INSL6: variants seen among roughly 807,000 people sequenced by gnomAD.
INSL6 encodes the protein insulin-like peptide INSL6.
INSL6 carries 16 observed loss-of-function variants against 9.4 expected under a neutral mutation model. That is an observed-to-expected ratio of 1.70 (90% confidence interval 1.15 to 2.59). The LOEUF (loss-of-function observed/expected upper bound fraction) is 2.59. Ranked by LOEUF, INSL6 falls within the 30% of genes most tolerant of loss-of-function variation. The probability of loss-of-function intolerance (pLI) is 0.00; values close to 1 mark genes in which losing one functional copy is unlikely to be tolerated. For missense variants in INSL6, 391 were observed against 257.3 expected, an observed-to-expected ratio of 1.52 and a Z score of -3.56; for synonymous variants, 154 against 96.9, an observed-to-expected ratio of 1.59 and a Z score of -3.46.
the INSL6 span, among the ~76,000 whole-genome samples, chr9:5,081,244 G>T: frequency 1.4e-5 from 2 of 139,530 alleles, no homozygotes; most frequent in East Asian, 4.0e-4. Flanking sequence ...CATTTAGTGA[G>T]TTGTAAATTA....
chr9:5,031,981 G>T, the INSL6 span, among the ~76,000 whole-genome samples: 1 of 152,260 alleles, frequency 6.6e-6, no homozygotes, highest in African/African-American at 2.4e-5. Flanking sequence ...CCCGGGAAGC[G>T]CAAAGGGTCA....
At chr9:5,020,560 T>A in the INSL6 span, among the ~76,000 whole-genome samples, 1 of 151,704 alleles carries the variant, frequency 6.6e-6, no homozygotes, top group South Asian at 2.1e-4. Context: ...TTGTAGGGAG[T>A]TGGCTAAGGA....
intron 1 of INSL6, among the ~76,000 whole-genome samples, chr9:5,177,684 A>C (rs1825342485): frequency 1.3e-5 from 2 of 152,154 alleles, no homozygotes; most frequent in African/African-American, 4.8e-5. Flanking sequence ...CAGCCACCCA[A>C]AGCAAAAGCT....
the INSL6 span, among the ~76,000 whole-genome samples, chr9:5,064,424 T>A: frequency 6.8e-6 from 1 of 147,736 alleles, no homozygotes; most frequent in Non-Finnish European, 1.5e-5. Context: ...CAGCTACTCA[T>A]GAGGGTGAGG....
chr9:5,181,902 G>A (rs959872427), intron 1 of INSL6, among the ~76,000 whole-genome samples: 3 of 152,150 alleles, frequency 2.0e-5, no homozygotes, highest in African/African-American at 7.2e-5. Flanking sequence ...CTATTACACT[G>A]GTAAAAGTTA....
chr9:5,129,795 T>A (rs1231241948), intron 3 of INSL6, among the ~76,000 whole-genome samples: 1 of 152,130 alleles, frequency 6.6e-6, no homozygotes, highest in Non-Finnish European at 1.5e-5. Flanking sequence ...ACTACATCAG[T>A]CAAATTCATG....
the INSL6 span, chr9:5,108,548 A>G: frequency 5.3e-5 from 8 of 152,034 alleles, no homozygotes; most frequent in Non-Finnish European, 8.8e-5. Flanking sequence ...AAATAACTCT[A>G]TTCGGACTTC....
the INSL6 span, chr9:5,114,911 C>G: frequency 1.1e-5 from 2 of 188,466 alleles, no homozygotes; most frequent in African/African-American, 4.8e-5. Context: ...AAGCCACCCC[C>G]AATAAACAGT....
At chr9:5,111,006 C>A in the INSL6 span, 2 of 724,918 alleles carry the variant, frequency 2.8e-6, no homozygotes, top group Non-Finnish European at 2.3e-6. Flanking sequence ...CCGTTGCCAA[C>A]GGGAAGGGCC....
chr9:5,064,899 C>T, the INSL6 span: 1 of 1,583,264 alleles, frequency 6.3e-7, no homozygotes, highest in Non-Finnish European at 8.6e-7. Flanking sequence ...GAACTTAGCT[C>T]ATTAAGGGAA....
chr9:5,174,647 A>G (rs1825257404), intron 1 of INSL6, among the ~76,000 whole-genome samples: 1 of 152,162 alleles, frequency 6.6e-6, no homozygotes, highest in African/African-American at 2.4e-5. Context: ...CTAGTCTTAC[A>G]GCTCAAAAAA....
chr9:5,117,983 T>G, the INSL6 span, among the ~76,000 whole-genome samples: 1 of 152,250 alleles, frequency 6.6e-6, no homozygotes, highest in African/African-American at 2.4e-5. Flanking sequence ...AATTGATAGC[T>G]AATTTTTTTC....
the INSL6 span, chr9:5,114,735 TGCTCTGTGGTCCATGAGACAGCGACTG>T: frequency 2.8e-6 from 1 of 362,374 alleles, no homozygotes; most frequent in African/African-American, 2.1e-5. Context: ...CGAGTTCATC[TGCTCTGTGGTCCATGAGACAGCGACTG>T]GCTCACAGAC....
At chr9:5,171,253 T>C (rs1019001978) in intron 1 of INSL6, among the ~76,000 whole-genome samples, 5 of 152,206 alleles carry the variant, frequency 3.3e-5, no homozygotes, top group Admixed American at 1.3e-4. Flanking sequence ...ATTATTTCAA[T>C]AGATGCAGAA....
chr9:5,058,624 C>G, the INSL6 span, among the ~76,000 whole-genome samples: 2 of 152,166 alleles, frequency 1.3e-5, no homozygotes, highest in African/African-American at 4.8e-5. Context: ...TTTAGGGAGC[C>G]ACCATGCTGT....
chr9:5,024,854 T>C, the INSL6 span, among the ~76,000 whole-genome samples: 6 of 152,156 alleles, frequency 3.9e-5, no homozygotes, highest in Non-Finnish European at 1.5e-5. Flanking sequence ...AAAACAGTTT[T>C]TTGAGATTAA....
At chr9:5,085,627 G>A in the INSL6 span, 1 of 710,626 alleles carries the variant, frequency 1.4e-6, no homozygotes. Flanking sequence ...AGCAAGGACA[G>A]CCTTCTTTTC....
At chr9:5,085,452 C>G in the INSL6 span, 3 of 736,718 alleles carry the variant, frequency 4.1e-6, no homozygotes, top group African/African-American at 3.5e-5. Context: ...TCTTGAAGGT[C>G]TTTTCAAGGT....
At chr9:5,000,520 G>A in the INSL6 span, among the ~76,000 whole-genome samples, 4 of 152,200 alleles carry the variant, frequency 2.6e-5, no homozygotes, top group African/African-American at 9.6e-5. Flanking sequence ...TAGTCATTGT[G>A]TAGATGGTTT....
Sources: gnomAD v4.1 joint callset for allele counts (sites outside exome capture counted in the v4.1 genomes callset) on GRCh38, gnomAD v4.1.1 for gene constraint, MANE v1.5 for transcripts, NCBI Gene and HGNC (gene_info 2026-07-23, HGNC 2026-07-21) for gene names.